The following NALF1 variants were observed in gnomAD, a reference collection of about 807,000 sequenced individuals.
NALF1 encodes the protein NALCN channel auxiliary factor 1, also known as family with sequence similarity 155 member A.
A neutral mutation model predicts 48.4 loss-of-function variants in NALF1; 3 were observed. The ratio of observed to expected loss-of-function variants is 0.06; its 90% CI spans 0.03 to 0.16. The LOEUF (loss-of-function observed/expected upper bound fraction) is 0.16, where lower values mean the gene tolerates loss of function less well. Ranked by LOEUF, NALF1 falls within the 10% of genes least tolerant of loss-of-function variation. The pLI, the probability that NALF1 is intolerant of heterozygous loss-of-function variation, is 1.00. For missense variants in NALF1, 526 were observed against 571.5 expected, an observed-to-expected ratio of 0.92 and a Z score of 0.81; for synonymous variants, 262 against 245.7, an observed-to-expected ratio of 1.07 and a Z score of -0.62.
chr13:107,257,813 C>T (rs934341641), intron 1 of NALF1, among the ~76,000 whole-genome samples: 16 of 152,226 alleles, frequency 1.1e-4, no homozygotes, highest in Middle Eastern at 6.8e-3. Flanking sequence ...GGTGATGCAG[C>T]ACTTTGGAGA....
At chr13:107,722,749 T>C (rs1876022873) in intron 1 of NALF1, among the ~76,000 whole-genome samples, 1 of 152,176 alleles carries the variant, frequency 6.6e-6, no homozygotes, top group African/African-American at 2.4e-5. Context: ...AAAATGGAAG[T>C]AATCAAATGT....
chr13:107,425,991 A>G (rs1296348827), intron 1 of NALF1, among the ~76,000 whole-genome samples: 1 of 152,170 alleles, frequency 6.6e-6, no homozygotes, highest in Non-Finnish European at 1.5e-5. Flanking sequence ...TCTGCACTAT[A>G]GTATTGGATA....
At chr13:107,797,475 C>T (rs926873759) in intron 1 of NALF1, among the ~76,000 whole-genome samples, 5 of 152,202 alleles carry the variant, frequency 3.3e-5, no homozygotes, top group Admixed American at 3.3e-4. Context: ...TCCCAAAGTG[C>T]TGGGATTACA....
At chr13:107,335,068 C>CCTG (rs1882531881) in intron 1 of NALF1, among the ~76,000 whole-genome samples, 2 of 152,230 alleles carry the variant, frequency 1.3e-5, no homozygotes, top group East Asian at 3.9e-4. Context: ...ATACCACGGT[C>CCTG]AGGATGAAGT....
At chr13:107,526,118 CT>C (rs1876427945) in intron 1 of NALF1, among the ~76,000 whole-genome samples, 1 of 152,090 alleles carries the variant, frequency 6.6e-6, no homozygotes, top group African/African-American at 2.4e-5. Flanking sequence ...TGGTTTGTCA[CT>C]TTACTTTTAA....
rs570645079 is a variant in NALF1, at chr13:107,820,577, G to A, written c.915+45105C>T. On this transcript the variant is annotated intron_variant, in intron 1 of 2. Coordinates refer to ENST00000375915, the MANE Select transcript of NALF1 (RefSeq NM_001080396.3). ...CCAGGCAGAAGCTTATGGTGTTTAG[G>A]GAGTCCAAAAGCCTAAATGACAATT... 2.0e-4 allele frequency among the ~76,000 whole-genome samples: 30 copies of A among 152,238 alleles called. No homozygotes were observed. In the South Asian group the frequency reaches 6.2e-3, roughly 32 times the overall value.
intron 1 of NALF1, among the ~76,000 whole-genome samples, chr13:107,723,112 C>T (rs1445673320): frequency 6.6e-6 from 1 of 152,184 alleles, no homozygotes; most frequent in Admixed American, 6.5e-5. Flanking sequence ...TCATTCATCA[C>T]ATTCAGTCAG....
chr13:107,534,180 C>T (rs150657309), intron 1 of NALF1, among the ~76,000 whole-genome samples: 251 of 152,156 alleles, frequency 1.6e-3, no homozygotes, highest in African/African-American at 5.7e-3. Context: ...GAAACTCTGC[C>T]GTGGTGCCCA....
chr13:107,487,612 G>A (rs1566362365), intron 1 of NALF1, among the ~76,000 whole-genome samples: 1 of 152,104 alleles, frequency 6.6e-6, no homozygotes, highest in Non-Finnish European at 1.5e-5. Flanking sequence ...ACCAACCTTG[G>A]ATTCCGCAGA....
intron 1 of NALF1, among the ~76,000 whole-genome samples, chr13:107,760,807 T>C (rs1016962619): frequency 6.6e-6 from 1 of 152,212 alleles, no homozygotes; most frequent in African/African-American, 2.4e-5. Flanking sequence ...CTATCAATTA[T>C]ACCCCATTTC....
intron 1 of NALF1, among the ~76,000 whole-genome samples, chr13:107,800,624 A>G (rs1213867779): frequency 1.4e-5 from 2 of 147,144 alleles, no homozygotes; most frequent in Non-Finnish European, 3.0e-5. Flanking sequence ...TATATATTAT[A>G]TAATTATATA....
intron 1 of NALF1, among the ~76,000 whole-genome samples, chr13:107,281,492 T>C (rs1340565202): frequency 2.6e-5 from 4 of 152,166 alleles, no homozygotes; most frequent in African/African-American, 4.8e-5. Context: ...GGTCCTGCTA[T>C]AGGCCTCATA....
chr13:107,271,814 A>ATATATTTATT lies in NALF1; in HGVS notation c.916-61060_916-61059insAATAAATATA, dbSNP rs1374366280. ...TATATATATATATATATATATATAT[A>ATATATTTATT]TATTTATATATTTATATATACAAAT... On this transcript the variant is annotated intron_variant, in intron 1 of 2. Transcript: ENST00000375915. 9.5e-3 allele frequency among the ~76,000 whole-genome samples: 971 copies of ATATATTTATT among 101,846 alleles called. 13 individuals carry two copies. Among genetic ancestry groups the ATATATTTATT allele is most frequent in the Non-Finnish European group, 0.012 (656 of 54,786 alleles). The allele number at this position is 101,846 out of a possible 152,430, so 66.8% of individuals were successfully genotyped here. A position where few individuals can be genotyped will look rare whatever the true frequency, so the allele number is the denominator to read the frequency against.
At chr13:107,774,334 G>A (rs1023065210) in intron 1 of NALF1, among the ~76,000 whole-genome samples, 9 of 152,150 alleles carry the variant, frequency 5.9e-5, no homozygotes, top group African/African-American at 1.9e-4. Flanking sequence ...AAATCAGCTA[G>A]GGAAATGAAG....
intron 1 of NALF1, among the ~76,000 whole-genome samples, chr13:107,292,000 G>A (rs778463762): frequency 5.9e-5 from 9 of 152,128 alleles, no homozygotes; most frequent in African/African-American, 1.7e-4. Context: ...GTCATGCATT[G>A]CTTAACAATG....
At chr13:107,507,926 A>G (rs1384229950) in intron 1 of NALF1, among the ~76,000 whole-genome samples, 3 of 152,104 alleles carry the variant, frequency 2.0e-5, no homozygotes, top group African/African-American at 7.2e-5. Context: ...CTGTGTCATC[A>G]TCTCCCAAGC....
At chr13:107,245,573 GCT>G in intron 1 of NALF1, among the ~76,000 whole-genome samples, 1 of 152,154 alleles carries the variant, frequency 6.6e-6, no homozygotes, top group South Asian at 2.1e-4. Flanking sequence ...TACATTGATA[GCT>G]TAAATATTCT....
At chr13:107,827,553 C>G (rs552699002) in intron 1 of NALF1, among the ~76,000 whole-genome samples, 80 of 152,336 alleles carry the variant, frequency 5.3e-4, no homozygotes, top group Admixed American at 1.6e-3. Flanking sequence ...GTGTTAGAAT[C>G]CAGCCAACCA....
intron 1 of NALF1, among the ~76,000 whole-genome samples, chr13:107,496,876 C>T (rs1443321360): frequency 6.6e-6 from 1 of 152,166 alleles, no homozygotes; most frequent in Non-Finnish European, 1.5e-5. Flanking sequence ...ATCACGAGAA[C>T]AGCATAGGAA....
Sources: gnomAD v4.1 joint callset for allele counts (sites outside exome capture counted in the v4.1 genomes callset) on GRCh38, gnomAD v4.1.1 for gene constraint, MANE v1.5 for transcripts, NCBI Gene and HGNC (gene_info 2026-07-23, HGNC 2026-07-21) for gene names.